The following USP28 variants were observed in gnomAD, a reference collection of about 807,000 sequenced individuals.
USP28 encodes the protein ubiquitin carboxyl-terminal hydrolase 28.
Under a neutral mutation model 145.0 loss-of-function variants are expected in USP28, and 113 were observed. The observed-to-expected ratio is 0.78, with a 90% confidence interval of 0.67 to 0.91. The LOEUF (loss-of-function observed/expected upper bound fraction) is 0.91, where lower values mean the gene tolerates loss of function less well. USP28 is among the 40% of genes least tolerant of loss of function. The pLI is 0.00. For synonymous variants in USP28, 447 were observed against 450.9 expected, an observed-to-expected ratio of 0.99 and a Z score of 0.11; for missense variants, 1,201 against 1,289.6, an observed-to-expected ratio of 0.93 and a Z score of 1.05.
intron 1 of USP28, among the ~76,000 whole-genome samples, chr11:113,864,968 G>A (rs1948116695): frequency 6.6e-6 from 1 of 151,976 alleles, no homozygotes; most frequent in African/African-American, 2.4e-5. Flanking sequence ...TCCCAAGTAG[G>A]TGGGAACACA....
chr11:113,833,530 C>T (rs1240317085), exon 7 of USP28: 3 of 1,613,896 alleles, frequency 1.9e-6, no homozygotes, highest in African/African-American at 2.7e-5. Flanking sequence ...TACTGAAGCT[C>T]TTGCATAAAC....
intron 12 of USP28, chr11:113,820,491 C>G (rs1176312447): frequency 1.3e-5 from 2 of 152,152 alleles, no homozygotes; most frequent in African/African-American, 4.8e-5. Context: ...GCCATATAGC[C>G]ACTCTAGTGA....
chr11:113,869,788 T>C (rs1285356069), intron 1 of USP28, among the ~76,000 whole-genome samples: 1 of 152,162 alleles, frequency 6.6e-6, no homozygotes, highest in Non-Finnish European at 1.5e-5. Context: ...CAAACGTTTA[T>C]AGCCAAGGAG....
intron 5 of USP28, chr11:113,835,156 G>C: frequency 2.4e-6 from 1 of 412,884 alleles, no homozygotes; most frequent in Non-Finnish European, 4.7e-6. Context: ...TAGAACTGGA[G>C]AGAGGGATTC....
chr11:113,871,023 AC>A (rs1948755517), intron 1 of USP28, among the ~76,000 whole-genome samples: 1 of 152,216 alleles, frequency 6.6e-6, no homozygotes, highest in Non-Finnish European at 1.5e-5. Context: ...CAAATGAATC[AC>A]CCAAGAATCT....
At chr11:113,849,309 G>A (rs796744743) in intron 3 of USP28, among the ~76,000 whole-genome samples, 1 of 152,182 alleles carries the variant, frequency 6.6e-6, no homozygotes, top group African/African-American at 2.4e-5. Flanking sequence ...AGAGCTGCTT[G>A]GTTTGCAGAT....
chr11:113,866,951 TACTC>T (rs1227886623), intron 1 of USP28, among the ~76,000 whole-genome samples: 2 of 148,720 alleles, frequency 1.3e-5, no homozygotes, highest in East Asian at 4.0e-4. Flanking sequence ...AGTGGAATAT[TACTC>T]AGTGATTAAA....
intron 1 of USP28, among the ~76,000 whole-genome samples, chr11:113,866,782 C>A (rs1948290394): frequency 6.6e-6 from 1 of 152,170 alleles, no homozygotes; most frequent in Admixed American, 6.5e-5. Flanking sequence ...TATGAGTCAA[C>A]AATTCCTTCT....
chr11:113,827,723 G>C (rs909251265), intron 10 of USP28, among the ~76,000 whole-genome samples: 1 of 152,112 alleles, frequency 6.6e-6, no homozygotes, highest in Non-Finnish European at 1.5e-5. Context: ...AAACTTAACA[G>C]CTAGCCTAAC....
chr11:113,834,193 C>G lies in USP28; in HGVS notation c.621+56G>C, dbSNP rs948198397. 29 of 1,365,096 alleles carry G rather than the reference C, an allele frequency of 2.1e-5. 1 individual carries two copies. Among genetic ancestry groups the G allele is most frequent in the South Asian group, 1.9e-4 (15 of 77,414 alleles). The allele number at this position is 1,365,096 out of a possible 1,614,324, so 84.6% of individuals were successfully genotyped here. ...TCAGCTTTAGGCAAAAATCTAGAAG[C>G]CTTAGGGATGAAAGGGACTAAACAA... is the stretch of plus-strand genomic sequence containing the variant. On this transcript the variant is annotated intron_variant, in intron 6 of 24. Transcript: ENST00000003302.
At chr11:113,826,647 C>CG (rs1943378118) in intron 11 of USP28, among the ~76,000 whole-genome samples, 1 of 151,798 alleles carries the variant, frequency 6.6e-6, no homozygotes, top group African/African-American at 2.4e-5. Flanking sequence ...AGGCCGGGCG[C>CG]GGTGGCTCAC....
rs190150140 is a variant in USP28, at chr11:113,843,829, C to T, written c.269-2061G>A. ...GTCCAGAAATAAACTCTTACATTCCCGGTCAATTGATTTTTGACCTAAGTA... is the reference window on the plus strand; with the variant it reads ...GTCCAGAAATAAACTCTTACATTCCTGGTCAATTGATTTTTGACCTAAGTA... On this transcript the variant is annotated intron_variant, in intron 3 of 24. Coordinates refer to ENST00000003302, the Ensembl canonical transcript of USP28. Among the ~76,000 whole-genome samples, 9 of 152,148 alleles carry T rather than the reference C, an allele frequency of 5.9e-5. No individual in the cohort carries two copies. In the East Asian group the frequency reaches 1.5e-3, roughly 26 times the overall value.
At chr11:113,841,689 A>G in exon 4 of USP28, 2 of 1,612,958 alleles carry the variant, frequency 1.2e-6, no homozygotes, top group Non-Finnish European at 1.7e-6. Flanking sequence ...CATCAGCTTG[A>G]ATTTTGGGAG....
chr11:113,834,432 A>G, intron 5 of USP28, 97 bp from the exon 6 acceptor site: 1 of 854,708 alleles, frequency 1.2e-6, no homozygotes, highest in Non-Finnish European at 1.7e-6. Flanking sequence ...CATATTTAAA[A>G]GTATGCAAAA....
intron 1 of USP28, among the ~76,000 whole-genome samples, chr11:113,862,030 G>A (rs1379649548): frequency 6.6e-6 from 1 of 152,178 alleles, no homozygotes; most frequent in Non-Finnish European, 1.5e-5. Flanking sequence ...CTGGGTCTTC[G>A]TGTGTAGTTT....
intron 17 of USP28, among the ~76,000 whole-genome samples, chr11:113,808,848 AG>A (rs1940485059): frequency 6.6e-6 from 1 of 152,252 alleles, no homozygotes; most frequent in Admixed American, 6.5e-5. Context: ...TGAAGGTCAC[AG>A]GTAGTTAGTC....
intron 18 of USP28, among the ~76,000 whole-genome samples, chr11:113,807,159 G>A (rs1236938039): frequency 2.6e-5 from 4 of 151,474 alleles, no homozygotes; most frequent in South Asian, 2.1e-4. Flanking sequence ...TGCAACCTCC[G>A]CCTCCCGGGT....
chr11:113,824,360 C>T lies in USP28; in HGVS notation c.1188-660G>A, dbSNP rs945007114. Among the ~76,000 whole-genome samples the T allele has an allele frequency of 3.9e-5, 6 of 152,064 alleles. No homozygotes were observed. The South Asian group carries it at 6.2e-4, about 16-fold the overall frequency. ...TTGAGATGGAGTCTCACTCGTCACC[C>T]AGGCTGGAGTGCAACGGCGCAATCT... On this transcript the variant is annotated intron_variant, in intron 11 of 24. Transcript: ENST00000003302.
chr11:113,833,281 G>T, intron 7 of USP28, 139 bp downstream of exon 7: 1 of 1,214,908 alleles, frequency 8.2e-7, no homozygotes, highest in Non-Finnish European at 1.1e-6. Context: ...TGTTCTGTAG[G>T]CAAAACAAAA....
Sources: gnomAD v4.1 joint callset for allele counts (sites outside exome capture counted in the v4.1 genomes callset) on GRCh38, gnomAD v4.1.1 for gene constraint, MANE v1.5 for transcripts, NCBI Gene and HGNC (gene_info 2026-07-23, HGNC 2026-07-21) for gene names.